Variants in DENND1A observed in about 807,000 individuals in gnomAD.
The protein encoded by DENND1A is DENN domain containing 1A.
A neutral mutation model predicts 113.7 loss-of-function variants in DENND1A; 51 were observed. The observed-to-expected ratio is 0.45, with a 90% CI of 0.36 to 0.57. DENND1A has a LOEUF of 0.57. DENND1A is among the 20% of genes least tolerant of loss of function. The pLI is 0.00. For synonymous variants in DENND1A, 565 were observed against 570.8 expected (o/e 0.99, Z 0.14); for missense variants, 1,258 against 1,395.9 (o/e 0.90, Z 1.57).
At chr9:123,588,263 A>G (rs886149599) in intron 11 of DENND1A, among the ~76,000 whole-genome samples, 2 of 142,704 alleles carry the variant, frequency 1.4e-5, no homozygotes, top group African/African-American at 5.3e-5. Flanking sequence ...AGCTTGGACA[A>G]TAAGAGTGAA....
chr9:123,870,705 G>A (rs1462467153), intron 2 of DENND1A, among the ~76,000 whole-genome samples: 1 of 152,060 alleles, frequency 6.6e-6, no homozygotes, highest in African/African-American at 2.4e-5. Flanking sequence ...AAAGTGCTGG[G>A]ATTATAGGTG....
intron 8 of DENND1A, among the ~76,000 whole-genome samples, chr9:123,662,532 C>T (rs1426653545): frequency 6.6e-6 from 1 of 152,136 alleles, no homozygotes. Context: ...CACTGCACTC[C>T]AGCCTGAATG....
chr9:123,834,454 A>G (rs1430417596), intron 2 of DENND1A, among the ~76,000 whole-genome samples: 1 of 152,224 alleles, frequency 6.6e-6, no homozygotes, highest in Admixed American at 6.5e-5. Flanking sequence ...CAAGTAGCAG[A>G]GGGAGCTTTC....
intron 5 of DENND1A, among the ~76,000 whole-genome samples, chr9:123,756,782 G>A (rs1339435948): frequency 1.3e-5 from 2 of 152,190 alleles, no homozygotes; most frequent in Non-Finnish European, 2.9e-5. Context: ...ATGAGAAGAA[G>A]AAAGTGCAGA....
intron 2 of DENND1A, among the ~76,000 whole-genome samples, chr9:123,876,627 T>C (rs958735686): frequency 2.0e-5 from 3 of 152,144 alleles, no homozygotes; most frequent in Admixed American, 6.5e-5. Context: ...ATAATAACAA[T>C]TGACAAATCT....
At chr9:123,416,243 G>A (rs1052689214) in intron 19 of DENND1A, among the ~76,000 whole-genome samples, 1 of 152,184 alleles carries the variant, frequency 6.6e-6, no homozygotes, top group Non-Finnish European at 1.5e-5. Flanking sequence ...CCCTGAGCCT[G>A]CTCCTCTTTC....
intron 20 of DENND1A, among the ~76,000 whole-genome samples, chr9:123,407,953 G>A (rs1417899210): frequency 1.3e-5 from 2 of 152,142 alleles, no homozygotes; most frequent in Non-Finnish European, 2.9e-5. Context: ...ATGCCCCTTC[G>A]TCCAGGAGAC....
intron 1 of DENND1A, among the ~76,000 whole-genome samples, chr9:123,892,636 A>T (rs1177391779): frequency 6.6e-6 from 1 of 152,202 alleles, no homozygotes; most frequent in Non-Finnish European, 1.5e-5. Context: ...TGATGGATTG[A>T]CAGGTGCAGC....
At position 123,510,394 on chromosome 9, in the gene DENND1A, C is replaced by T. The variant is rs547850726; in HGVS notation, c.993+47176G>A. On this transcript the variant is annotated intron_variant, in intron 13 of 23. Coordinates refer to ENST00000394215, the MANE Select transcript of DENND1A (RefSeq NM_001352964.2). ...CAGTGTGAGCACACAAGGACACATC[C>T]CCAACTGTGTCCCATCACAACAGGA... 3.9e-5 allele frequency among the ~76,000 whole-genome samples: 6 copies of T among 152,358 alleles called. No individual in the cohort carries two copies. In the South Asian group the frequency reaches 8.3e-4, roughly 21 times the overall value.
chr9:123,843,197 C>A, intron 2 of DENND1A: 2 of 548,508 alleles, frequency 3.6e-6, no homozygotes, highest in South Asian at 2.8e-5. Flanking sequence ...TAGCTGCTGT[C>A]AATCTAGTAT....
At position 123,381,453 on chromosome 9, in the gene DENND1A, C is replaced by T. The variant is rs757446451; in HGVS notation, c.3192G>A (p.Lys1064=). 8 of 1,613,190 alleles carry T rather than the reference C, an allele frequency of 5.0e-6. No individual in the cohort carries two copies. The Admixed American group carries it at 1.2e-4, about 24-fold the overall frequency. Reference sequence around the variant, plus strand: ...CGGCTCACTCGAAGGTCTCCCACTGCTTCCTGAGCTGCTCCACCGAGTCTG... The same window carrying T: ...CGGCTCACTCGAAGGTCTCCCACTGTTTCCTGAGCTGCTCCACCGAGTCTG... ...PAPDSVEQLR[K]QWETFE Residue 1064 remains lysine (K), a synonymous_variant, in exon 24 of 24, where the codon AAG becomes AAA. Coordinates refer to ENST00000394215, the MANE Select transcript of DENND1A (RefSeq NM_001352964.2). The surrounding 1 kb of genome is among the most constrained non-coding windows in gnomAD (Gnocchi z 4.7).
chr9:123,612,923 C>T (rs2060480333), intron 10 of DENND1A, among the ~76,000 whole-genome samples: 1 of 152,136 alleles, frequency 6.6e-6, no homozygotes, highest in Non-Finnish European at 1.5e-5. Flanking sequence ...TTCTCTGAGC[C>T]CCTGGCATGG....
At chr9:123,423,768 T>C (rs1045587573) in intron 19 of DENND1A, among the ~76,000 whole-genome samples, 1 of 152,186 alleles carries the variant, frequency 6.6e-6, no homozygotes, top group African/African-American at 2.4e-5. Context: ...CGCTACTGTT[T>C]ATTTATGGGG....
At chr9:123,810,820 G>GCACTC (rs1836466612) in intron 2 of DENND1A, among the ~76,000 whole-genome samples, 1 of 149,800 alleles carries the variant, frequency 6.7e-6, no homozygotes, top group Non-Finnish European at 1.5e-5. Context: ...GTGCAGTGGT[G>GCACTC]CAATCTTGGC....
At chr9:123,447,174 G>A (rs2047368018) in intron 18 of DENND1A, among the ~76,000 whole-genome samples, 1 of 152,228 alleles carries the variant, frequency 6.6e-6, no homozygotes, top group Non-Finnish European at 1.5e-5. Flanking sequence ...CAATGGCTGG[G>A]TAGCATCTTT....
intron 13 of DENND1A, chr9:123,493,128 G>C (rs1158435004): frequency 6.6e-6 from 1 of 152,400 alleles, no homozygotes; most frequent in Non-Finnish European, 1.5e-5. Flanking sequence ...CTCCTTGCAA[G>C]AGCTGATCCT....
At chr9:123,488,540 CTA>C (rs2051083947) in intron 13 of DENND1A, among the ~76,000 whole-genome samples, 1 of 152,186 alleles carries the variant, frequency 6.6e-6, no homozygotes, top group Non-Finnish European at 1.5e-5. Flanking sequence ...TACACAACCT[CTA>C]CTAATTTGGG....
chr9:123,636,613 C>G (rs2061716064), intron 9 of DENND1A, among the ~76,000 whole-genome samples: 2 of 151,626 alleles, frequency 1.3e-5, no homozygotes, highest in South Asian at 4.2e-4. Flanking sequence ...ATGTTTGACA[C>G]AGAGTCGGTG....
chr9:123,587,267 G>A (rs531139391), intron 11 of DENND1A, among the ~76,000 whole-genome samples: 4 of 152,296 alleles, frequency 2.6e-5, no homozygotes, highest in African/African-American at 9.6e-5. Flanking sequence ...GAGTGGCTCA[G>A]TATATAGAGT....
Sources: allele counts gnomAD v4.1 joint callset (sites outside exome capture counted in the v4.1 genomes callset), GRCh38; gene constraint gnomAD v4.1.1; non-coding constraint Gnocchi (gnomAD v3.1); transcripts MANE v1.5; gene names NCBI Gene and HGNC (gene_info 2026-07-23, HGNC 2026-07-21).